DARS1: variants seen among roughly 807,000 people sequenced by gnomAD.
The protein encoded by DARS1 is aspartate--tRNA ligase, cytoplasmic.
Under a neutral mutation model 68.8 loss-of-function variants are expected in DARS1, and 51 were observed. The observed-to-expected ratio is 0.74, with a 90% CI of 0.59 to 0.94. DARS1 has a LOEUF of 0.94. DARS1 is among the 40% of genes least tolerant of loss of function. The probability of loss-of-function intolerance (pLI) is 0.00; values close to 1 mark genes in which losing one functional copy is unlikely to be tolerated. For synonymous variants in DARS1, 203 were observed against 190.4 expected, an observed-to-expected ratio of 1.07 and a Z score of -0.55; for missense variants, 607 against 597.3, an observed-to-expected ratio of 1.02 and a Z score of -0.17.
intron 9 of DARS1, 77 bp from the exon 10 acceptor site, chr2:135,920,677 T>C (rs1681095171): frequency 6.8e-7 from 1 of 1,464,742 alleles, no homozygotes; most frequent in Non-Finnish European, 9.0e-7. Context: ...ATACAAACTT[T>C]TATTTAGTTG....
chr2:135,946,607 T>C (rs549859745), intron 4 of DARS1, among the ~76,000 whole-genome samples: 23 of 152,202 alleles, frequency 1.5e-4, no homozygotes, highest in African/African-American at 5.1e-4. Flanking sequence ...ACAAGAATCA[T>C]AAACCCTGAG....
At chr2:135,921,552 T>C (rs1681110473) in intron 9 of DARS1, among the ~76,000 whole-genome samples, 1 of 152,186 alleles carries the variant, frequency 6.6e-6, no homozygotes, top group Admixed American at 6.5e-5. Context: ...TAACACCCAT[T>C]TGCTGATGGT....
chr2:135,913,091 C>G (rs1025534797), intron 12 of DARS1, among the ~76,000 whole-genome samples: 3 of 150,198 alleles, frequency 2.0e-5, no homozygotes, highest in Non-Finnish European at 3.0e-5. Flanking sequence ...TCTAATTTCT[C>G]CCCCATTCTA....
intron 1 of DARS1, among the ~76,000 whole-genome samples, chr2:135,984,367 A>T (rs1682718585): frequency 6.6e-6 from 1 of 152,240 alleles, no homozygotes; most frequent in Non-Finnish European, 1.5e-5. Context: ...TGTATGAAAC[A>T]ATTAAGTTTC....
At position 135,906,187 on chromosome 2, in the gene DARS1, G is replaced by A. The variant is rs1408651108; in HGVS notation, c.*1129C>T. Among the ~76,000 whole-genome samples the A allele has an allele frequency of 6.6e-6, 1 of 152,100 alleles. No individual in the cohort carries two copies. The highest frequency in any genetic ancestry group is 2.4e-5 in the African/African-American group (1 of 41,408). ...ATGGGCAGATGTTCGTGGTCCAGGG[G>A]TAACTTCCTAACTTTTTGACCCTCA... On this transcript the variant is annotated 3_prime_UTR_variant, in exon 16 of 16. Transcript: ENST00000264161.
chr2:135,951,188 A>T (rs1358415401), intron 4 of DARS1, among the ~76,000 whole-genome samples: 1 of 152,174 alleles, frequency 6.6e-6, no homozygotes, highest in Admixed American at 6.5e-5. Flanking sequence ...AGCTTAGGAA[A>T]CACTACTGGC....
At chr2:135,983,184 T>C (rs1408464706) in intron 2 of DARS1, among the ~76,000 whole-genome samples, 1 of 152,170 alleles carries the variant, frequency 6.6e-6, no homozygotes, top group African/African-American at 2.4e-5. Context: ...TAACCTACAA[T>C]ACCTAATAAC....
chr2:135,913,025 C>T (rs1345892112), intron 12 of DARS1, among the ~76,000 whole-genome samples: 3 of 151,746 alleles, frequency 2.0e-5, no homozygotes, highest in Non-Finnish European at 4.4e-5. Context: ...AGTGCCAGGC[C>T]TACGGTTTAA....
intron 10 of DARS1, among the ~76,000 whole-genome samples, chr2:135,917,687 C>T (rs1022124766): frequency 1.3e-5 from 2 of 152,026 alleles, no homozygotes; most frequent in African/African-American, 4.8e-5. Flanking sequence ...CCATGTTGCC[C>T]AGGCTGGTCT....
At chr2:135,932,275 C>A (rs1681369003) in intron 7 of DARS1, among the ~76,000 whole-genome samples, 1 of 152,172 alleles carries the variant, frequency 6.6e-6, no homozygotes, top group African/African-American at 2.4e-5. Context: ...CTCTCTTTCA[C>A]TTGCAACCAA....
chr2:135,942,495 G>T (rs1019356557), intron 5 of DARS1, among the ~76,000 whole-genome samples: 2 of 118,280 alleles, frequency 1.7e-5, no homozygotes, highest in Non-Finnish European at 3.3e-5. Context: ...CACACATCAG[G>T]GCCTGTAGTG....
chr2:135,923,146 G>A (rs1355866922), intron 8 of DARS1, among the ~76,000 whole-genome samples: 3 of 152,040 alleles, frequency 2.0e-5, no homozygotes, highest in African/African-American at 7.2e-5. Flanking sequence ...CACTTCTGTG[G>A]ATATATATGC....
At position 135,973,340 on chromosome 2, in the gene DARS1, T is replaced by G. The variant is rs1462607982; in HGVS notation, c.217+5934A>C. Among the ~76,000 whole-genome samples the G allele has an allele frequency of 2.6e-5, 4 of 152,288 alleles. No individual in the cohort carries two copies. In the East Asian group the frequency reaches 7.7e-4, roughly 29 times the overall value. ...GGCACAGAAAGACAAACATCGCATA[T>G]TCTCACTTACTTGTGGGATCTTAAA... On this transcript the variant is annotated intron_variant, in intron 3 of 15. Coordinates refer to ENST00000264161, the MANE Select transcript of DARS1 (RefSeq NM_001349.4).
chr2:135,976,569 G>A (rs72974119), intron 3 of DARS1, among the ~76,000 whole-genome samples: 5,117 of 151,836 alleles, frequency 0.034, 309 homozygotes, highest in African/African-American at 0.12. Flanking sequence ...TTTGAGGCAG[G>A]AGGCACTATC....
At position 135,985,625 on chromosome 2, in the gene DARS1, A is replaced by C; in HGVS notation, c.-157T>G. The C allele has an allele frequency of 6.8e-7, 1 of 1,464,972 alleles. No homozygotes were observed. The highest frequency in any genetic ancestry group is 9.1e-7 in the Non-Finnish European group (1 of 1,097,008). The allele number at this position is 1,464,972 out of a possible 1,614,324, so 90.7% of individuals were successfully genotyped here. On this transcript the variant is annotated 5_prime_UTR_variant, in exon 1 of 16. Transcript: ENST00000264161. ...CGCGTGGAGGTGCGGCTCCAGAAAGATCGCGAGAGCTGCGGCTATCTCGAG... is the reference window on the plus strand; with the variant it reads ...CGCGTGGAGGTGCGGCTCCAGAAAGCTCGCGAGAGCTGCGGCTATCTCGAG...
In DARS1 at chr2:135,932,844, TAAAAA is replaced by T; in HGVS notation, c.505-7_505-3del. Reference sequence around the variant, plus strand: ...CTGGTTAACAGTAGCTCTTCCTTCCTAAAAAAAAAAAAAAAGAAAAGAAAAAAATA... The same window carrying T: ...CTGGTTAACAGTAGCTCTTCCTTCCTAAAAAAAAAAGAAAAGAAAAAAATA... On this transcript the variant is annotated splice_region_variant and splice_polypyrimidine_tract_variant and intron_variant, in intron 6 of 15. Transcript: ENST00000264161. 16 of 966,100 alleles carry T rather than the reference TAAAAA, an allele frequency of 1.7e-5. No individual in the cohort carries two copies. Among genetic ancestry groups the T allele is most frequent in the East Asian group, 2.6e-5 (1 of 37,898 alleles). 59.8% of individuals were successfully genotyped at this position (966,100 alleles called of 1,614,324 possible). A position where few individuals can be genotyped will look rare whatever the true frequency, so the allele number is the denominator to read the frequency against.
intron 12 of DARS1, among the ~76,000 whole-genome samples, chr2:135,912,904 T>C (rs1049686939): frequency 2.6e-5 from 4 of 152,098 alleles, no homozygotes; most frequent in African/African-American, 4.8e-5. Context: ...TTAAAATTTT[T>C]TGTAGAGATG....
In DARS1 at chr2:135,906,576, G is replaced by A. The variant is rs1035160733; in HGVS notation, c.*740C>T. The stretch of plus-strand genomic sequence containing the variant: ...ATGAATACATGTTGACAACATATTA[G>A]TCTTTATTTATATAAACTAGTTGTG... On this transcript the variant is annotated 3_prime_UTR_variant, in exon 16 of 16. Coordinates refer to ENST00000264161, the MANE Select transcript of DARS1 (RefSeq NM_001349.4). 6.6e-6 allele frequency: 1 copy of A among 152,112 alleles called. No individual in the cohort carries two copies. The highest frequency in any genetic ancestry group is 2.4e-5 in the African/African-American group (1 of 41,436). The allele number at this position is 152,112 out of a possible 1,614,324, so 9.4% of individuals were successfully genotyped here.
intron 4 of DARS1, among the ~76,000 whole-genome samples, chr2:135,957,510 G>A (rs1350941458): frequency 6.6e-6 from 1 of 152,024 alleles, no homozygotes; most frequent in East Asian, 1.9e-4. Context: ...GAGCCACCAC[G>A]CTCGGCCGAC....
Sources: gnomAD v4.1 joint callset for allele counts (sites outside exome capture counted in the v4.1 genomes callset) on GRCh38, gnomAD v4.1.1 for gene constraint, MANE v1.5 for transcripts, NCBI Gene and HGNC (gene_info 2026-07-23, HGNC 2026-07-21) for gene names.